LIN7B: variants seen among roughly 807,000 people sequenced by gnomAD.
The protein encoded by LIN7B is protein lin-7 homolog B.
In LIN7B, 16 loss-of-function variants were observed where a neutral mutation model predicts 27.9. The observed-to-expected ratio is 0.57, with a 90% CI of 0.39 to 0.87. LIN7B has a LOEUF of 0.87. Ranked by LOEUF, LIN7B falls within the 40% of genes least tolerant of loss-of-function variation. The probability of loss-of-function intolerance (pLI) is 0.00; values close to 1 mark genes in which losing one functional copy is unlikely to be tolerated. For synonymous variants in LIN7B, 147 were observed against 120.8 expected, an observed-to-expected ratio of 1.22 and a Z score of -1.42; for missense variants, 291 against 288.5, an observed-to-expected ratio of 1.01 and a Z score of -0.06.
chr19:49,116,263 G>A lies in LIN7B; in HGVS notation c.229G>A (p.Ala77Thr). ...TCTTCAGTCGCTTTCTCTCTCCCAG[G>A]CCACAGTGGCTGCCTTCACAGCCAG... ...AEIRAHATAKATVAAFTASEG... is the reference protein window; with the variant it reads ...AEIRAHATAKTTVAAFTASEG... The change falls in exon 4 of 6, where the codon GCC becomes ACC. Residue 77 changes from alanine to threonine, a missense_variant and splice_region_variant. Physicochemically the swap from Ala to Thr is moderately conservative, Grantham distance 58. Transcript: ENST00000221459. 6.2e-7 allele frequency: 1 copy of A among 1,612,382 alleles called. No individual in the cohort carries two copies.
chr19:49,114,397 G>C lies in LIN7B; in HGVS notation c.-8G>C, dbSNP rs1202682895. 8.3e-7 allele frequency: 1 copy of C among 1,199,446 alleles called. No homozygotes were observed. The highest frequency in any genetic ancestry group is 4.4e-5 in the Admixed American group (1 of 22,490). 74.3% of individuals were successfully genotyped at this position (1,199,446 alleles called of 1,614,324 possible). On this transcript the variant is annotated 5_prime_UTR_variant, in exon 1 of 6. Coordinates refer to ENST00000221459, the MANE Select transcript of LIN7B (RefSeq NM_022165.3). ...GGCAGGCGGGCGGCTGGCAGCTGTG[G>C]CGCCGACATGGCTGCGCTGGTGGAG...
At chr19:49,116,194 C>A in intron 3 of LIN7B, 69 bp from the exon 4 acceptor site, 1 of 1,416,404 alleles carries the variant, frequency 7.1e-7, no homozygotes, top group South Asian at 1.2e-5. Context: ...CCTCGGTCCA[C>A]ATCCCCCACC....
rs1234865810 is a variant in LIN7B, at chr19:49,114,396, G to A, written c.-9G>A. 2 of 1,199,202 alleles carry A rather than the reference G, an allele frequency of 1.7e-6. No homozygotes were observed. Among genetic ancestry groups the A allele is most frequent in the Non-Finnish European group, 2.1e-6 (2 of 967,016 alleles). The allele number at this position is 1,199,202 out of a possible 1,614,324, so 74.3% of individuals were successfully genotyped here. ...GGGCAGGCGGGCGGCTGGCAGCTGT[G>A]GCGCCGACATGGCTGCGCTGGTGGA... On this transcript the variant is annotated 5_prime_UTR_variant, in exon 1 of 6. Transcript: ENST00000221459.
intron 4 of LIN7B, among the ~76,000 whole-genome samples, chr19:49,116,982 A>T (rs951751823): frequency 1.3e-5 from 2 of 152,118 alleles, no homozygotes; most frequent in Admixed American, 6.5e-5. Flanking sequence ...GCGGTGGCTC[A>T]CACCTGTAAT....
At position 49,117,818 on chromosome 19, in the gene LIN7B, G is replaced by A. The variant is rs775836442; in HGVS notation, c.439-37G>A. 1.7e-5 allele frequency: 27 copies of A among 1,587,486 alleles called. 1 individual carries two copies. The Admixed American group carries it at 2.3e-4, about 14-fold the overall frequency. ...CCAGTGGGGGCTGGACGAGGGCAGCGGGCCCCAGGCTCAGCTGTCTGTGTT... is the reference window on the plus strand; with the variant it reads ...CCAGTGGGGGCTGGACGAGGGCAGCAGGCCCCAGGCTCAGCTGTCTGTGTT... On this transcript the variant is annotated intron_variant, in intron 4 of 5. Coordinates refer to ENST00000221459, the MANE Select transcript of LIN7B (RefSeq NM_022165.3).
intron 1 of LIN7B, 129 bp downstream of exon 1, chr19:49,114,570 C>G (rs935890122): frequency 4.1e-5 from 30 of 727,722 alleles, no homozygotes; most frequent in Non-Finnish European, 5.4e-5. Flanking sequence ...GCGGGGCGGG[C>G]GCCGGGGCCG....
In LIN7B at chr19:49,116,320, C is replaced by G. The variant is rs369588747; in HGVS notation, c.286C>G (p.Leu96Val). The G allele has an allele frequency of 6.2e-7, 1 of 1,614,186 alleles. No homozygotes were observed. Among genetic ancestry groups the G allele is most frequent in the Non-Finnish European group, 8.5e-7 (1 of 1,180,022 alleles). ...EGHAHPRVVE[L>V]PKTDEGLGFN... ...CCACGCACATCCCAGGGTAGTGGAGCTACCCAAGACGGATGAGGGCCTAGG... is the reference window on the plus strand; with the variant it reads ...CCACGCACATCCCAGGGTAGTGGAGGTACCCAAGACGGATGAGGGCCTAGG... Residue 96 changes from leucine to valine, a missense_variant, in exon 4 of 6, where the codon CTA becomes GTA. Transcript: ENST00000221459.
rs1489406497 is a variant in LIN7B at position 49,118,025 on chromosome 19, C to T, written c.602+7C>T. The T allele has an allele frequency of 1.2e-6, 2 of 1,613,728 alleles. No individual in the cohort carries two copies. Among genetic ancestry groups the T allele is most frequent in the Admixed American group, 1.7e-5 (1 of 59,994 alleles). ...AACAGCATCAGAGCTACTCGTGAGC[C>T]CCTGGGTCACCACACCCCTGGGGCC... On this transcript the variant is annotated splice_region_variant and intron_variant, in intron 5 of 5. Coordinates refer to ENST00000221459, the MANE Select transcript of LIN7B (RefSeq NM_022165.3).
chr19:49,114,625 G>A (rs1182065383), intron 1 of LIN7B, 184 bp downstream of exon 1: 4 of 490,760 alleles, frequency 8.2e-6, no homozygotes, highest in African/African-American at 2.0e-5. Context: ...GGGCCGGGAC[G>A]CTGGGCGCCC....
In LIN7B at chr19:49,114,416, G is replaced by T; in HGVS notation, c.12G>T (p.Leu4=). MAA[L]VEPLGLERDV... ...GCTGTGGCGCCGACATGGCTGCGCT[G>T]GTGGAGCCGCTGGGGCTGGAGCGGG... is the stretch of plus-strand genomic sequence containing the variant. The change falls in exon 1 of 6, where the codon CTG becomes CTT. Residue 4 remains leucine (L), a synonymous_variant. Coordinates refer to ENST00000221459, the MANE Select transcript of LIN7B (RefSeq NM_022165.3). 1 of 1,204,712 alleles carries T rather than the reference G, an allele frequency of 8.3e-7. No homozygotes were observed. Among genetic ancestry groups the T allele is most frequent in the East Asian group, 3.4e-5 (1 of 29,036 alleles). 74.6% of individuals were successfully genotyped at this position (1,204,712 alleles called of 1,614,324 possible). A position where few individuals can be genotyped will look rare whatever the true frequency, so the allele number is the denominator to read the frequency against.
At chr19:49,116,933 G>A (rs534080569) in intron 4 of LIN7B, among the ~76,000 whole-genome samples, 4 of 152,180 alleles carry the variant, frequency 2.6e-5, no homozygotes, top group Admixed American at 1.3e-4. Flanking sequence ...GGAGGTCTGG[G>A]GCATGCAGGT....
intron 1 of LIN7B, 36 bp from the exon 2 acceptor site, chr19:49,114,813 C>T (rs2040797418): frequency 1.6e-6 from 2 of 1,260,194 alleles, no homozygotes; most frequent in Non-Finnish European, 2.1e-6. Context: ...GGGTCTCTGA[C>T]ACTCGGGGTT....
Position 49,118,057 on chromosome 19 carries a change from G to A in LIN7B, c.602+39G>A, listed in dbSNP as rs1372851355. The A allele has an allele frequency of 1.9e-6, 3 of 1,609,276 alleles. 1 individual carries two copies. Among genetic ancestry groups the A allele is most frequent in the Middle Eastern group, 3.4e-4 (2 of 5,882 alleles). ...TCACCACACCCCTGGGGCCTCCACG[G>A]GCTCCCTTTAACCCCAGGCTCCCAA... On this transcript the variant is annotated intron_variant, in intron 5 of 5. Coordinates refer to ENST00000221459, the MANE Select transcript of LIN7B (RefSeq NM_022165.3).
chr19:49,116,268 A>T lies in LIN7B; in HGVS notation c.234A>T (p.Thr78=). ...EIRAHATAKA[T]VAAFTASEGH... Reference sequence around the variant, plus strand: ...AGTCGCTTTCTCTCTCCCAGGCCACAGTGGCTGCCTTCACAGCCAGCGAGG... The same window carrying T: ...AGTCGCTTTCTCTCTCCCAGGCCACTGTGGCTGCCTTCACAGCCAGCGAGG... The change falls in exon 4 of 6, where the codon ACA becomes ACT. Residue 78 remains threonine, a synonymous_variant. Transcript: ENST00000221459. 1 of 1,612,822 alleles carries T rather than the reference A, an allele frequency of 6.2e-7. No homozygotes were observed. Among genetic ancestry groups the T allele is most frequent in the Non-Finnish European group, 8.5e-7 (1 of 1,179,300 alleles).
At position 49,116,188 on chromosome 19, in the gene LIN7B, G is replaced by A. The variant is rs1270391258; in HGVS notation, c.229-75G>A. On this transcript the variant is annotated intron_variant, in intron 3 of 5. Transcript: ENST00000221459. ...TAACCCAGGCTAAATCGCTGTCCTC[G>A]GTCCACATCCCCCACCCCAGCTTTC... The A allele has an allele frequency of 4.5e-6, 6 of 1,340,694 alleles. No homozygotes were observed. The African/African-American group carries it at 7.2e-5, about 16-fold the overall frequency. 83.0% of individuals were successfully genotyped at this position (1,340,694 alleles called of 1,614,324 possible).
chr19:49,115,594 C>T, intron 3 of LIN7B: 1 of 369,924 alleles, frequency 2.7e-6, no homozygotes, highest in Non-Finnish European at 5.0e-6. Context: ...AAACTCATGG[C>T]GCTCTGACCT....
intron 4 of LIN7B, among the ~76,000 whole-genome samples, chr19:49,117,261 A>C (rs527968800): frequency 6.9e-6 from 1 of 145,720 alleles, no homozygotes; most frequent in East Asian, 2.0e-4. Flanking sequence ...AAAAAAAAAA[A>C]AACAAAACTC....
intron 3 of LIN7B, 65 bp from the exon 4 acceptor site, chr19:49,116,198 C>A: frequency 6.9e-7 from 1 of 1,449,178 alleles, no homozygotes; most frequent in Non-Finnish European, 9.6e-7. Context: ...GGTCCACATC[C>A]CCCACCCCAG....
intron 3 of LIN7B, chr19:49,116,057 C>A: frequency 1.8e-6 from 1 of 541,814 alleles, no homozygotes; most frequent in South Asian, 2.6e-5. Flanking sequence ...ATTCAAGACA[C>A]ACACCAAATG....
Sources: gnomAD v4.1 joint callset for allele counts (sites outside exome capture counted in the v4.1 genomes callset) on GRCh38, gnomAD v4.1.1 for gene constraint, MANE v1.5 for transcripts, NCBI Gene and HGNC (gene_info 2026-07-23, HGNC 2026-07-21) for gene names.